The following PLEKHG4 variants were observed in gnomAD, a reference collection of about 807,000 sequenced individuals.
The protein encoded by PLEKHG4 is puratrophin-1.
PLEKHG4 carries 85 observed loss-of-function variants against 136.9 expected under a neutral mutation model. The ratio of observed to expected loss-of-function variants is 0.62; its 90% CI spans 0.52 to 0.74. The LOEUF is 0.74. Among genes scored for constraint, PLEKHG4 ranks in the 30% least tolerant of loss-of-function variants. PLEKHG4 has a pLI of 0.00. For missense variants in PLEKHG4, 1,317 were observed against 1,527.8 expected (o/e 0.86, Z 2.30); for synonymous variants, 577 against 646.9 (o/e 0.89, Z 1.64).
In PLEKHG4 at chr16:67,280,223, A is replaced by G. The variant is rs1438035554; in HGVS notation, c.179A>G (p.Glu60Gly). The part of the protein sequence containing the change: ...RPPAGATQDE[E>G]LQGSPLSRKF... ...CCAGCCGGGGCCACCCAGGATGAGG[A>G]GCTACAGGGCAGCCCCTTGTCCAGG... is the stretch of plus-strand genomic sequence containing the variant. Residue 60 changes from glutamate to glycine, a missense_variant, in exon 2 of 22, where the codon GAG becomes GGG. Glu to Gly is a moderately conservative substitution (Grantham distance 98). Transcript: ENST00000379344. This position sits in a 1 kb window ranked among gnomAD's most constrained non-coding sequence, Gnocchi z 4.4. The G allele has an allele frequency of 1.9e-6, 3 of 1,613,516 alleles. No individual in the cohort carries two copies. The highest frequency in any genetic ancestry group is 4.5e-5 in the East Asian group (2 of 44,886).
At position 67,284,225 on chromosome 16, in the gene PLEKHG4, G is replaced by C. The variant is rs766084418; in HGVS notation, c.1510-50G>C. The C allele has an allele frequency of 1.3e-6, 2 of 1,549,620 alleles. No homozygotes were observed. The highest frequency in any genetic ancestry group is 1.8e-6 in the Non-Finnish European group (2 of 1,127,234). ...TCAGCAGGAAGTATCTGAGTCTGGG[G>C]GCTAGACCGCCAGGCCTGGGCTGGC... On this transcript the variant is annotated intron_variant, in intron 11 of 21. Transcript: ENST00000379344. The surrounding 1 kb of genome is among the most constrained non-coding windows in gnomAD (Gnocchi z 4.4).
At chr16:67,282,477 G>A (rs116918762) in intron 9 of PLEKHG4, 26 bp from the exon 10 acceptor site, 19 of 1,613,752 alleles carry the variant, frequency 1.2e-5, no homozygotes, top group East Asian at 2.2e-5. Flanking sequence ...AAGGCAGGGG[G>A]TCTAAGATGG....
At position 67,282,116 on chromosome 16, in the gene PLEKHG4, C is replaced by A. The variant is rs1420855213; in HGVS notation, c.1104+9C>A. On this transcript the variant is annotated intron_variant, in intron 8 of 21. Transcript: ENST00000379344. ...AGCCCATGGAGCCTGGGGTGAGTGT[C>A]CCCTCCCAGTCCCTCCATGAATGCT... is the stretch of plus-strand genomic sequence containing the variant. The A allele has an allele frequency of 6.2e-7, 1 of 1,612,964 alleles. No homozygotes were observed. The highest frequency in any genetic ancestry group is 2.2e-5 in the East Asian group (1 of 44,846).
At position 67,288,156 on chromosome 16, in the gene PLEKHG4, C is replaced by G. The variant is rs371775382; in HGVS notation, c.3221-11C>G. The G allele has an allele frequency of 4.3e-6, 7 of 1,611,960 alleles. No homozygotes were observed. The highest frequency in any genetic ancestry group is 2.7e-5 in the African/African-American group (2 of 74,848). On this transcript the variant is annotated splice_polypyrimidine_tract_variant and intron_variant, in intron 19 of 21. Transcript: ENST00000379344. ...CTGGCCTGTCCCAACCTGACCCTCTCTCTTATGCAGAAGTTCGCTCTCGGG... is the reference window on the plus strand; with the variant it reads ...CTGGCCTGTCCCAACCTGACCCTCTGTCTTATGCAGAAGTTCGCTCTCGGG...
In PLEKHG4 at chr16:67,286,553, T is replaced by C. The variant is rs1203904261; in HGVS notation, c.2641T>C (p.Cys881Arg). Reference sequence around the variant, plus strand: ...GCTGCTGCAGGAGCTGGCACGGGCCTGCGGGGGCCCCACGCAGGAGCTCAG... The same window carrying C: ...GCTGCTGCAGGAGCTGGCACGGGCCCGCGGGGGCCCCACGCAGGAGCTCAG... ...ALLLQELARACGGPTQELSAL... is the reference protein window; with the variant it reads ...ALLLQELARARGGPTQELSAL... The change falls in exon 16 of 22, where the codon TGC becomes CGC. Residue 881 changes from cysteine (C) to arginine (R), a missense_variant. Coordinates refer to ENST00000379344, the MANE Select transcript of PLEKHG4 (RefSeq NM_001129729.3). 5.7e-6 allele frequency: 9 copies of C among 1,568,110 alleles called. No homozygotes were observed. The Admixed American group carries it at 9.5e-5, about 17-fold the overall frequency.
chr16:67,282,649 C>G lies in PLEKHG4; in HGVS notation c.1392+8C>G. On this transcript the variant is annotated splice_region_variant and intron_variant, in intron 10 of 21. Transcript: ENST00000379344. ...GAAAGCGGACTGCACCAGGTCGGAA[C>G]TACTTGCCCAGAGTGGGCCCTGCCC... 6.2e-7 allele frequency: 1 copy of G among 1,613,848 alleles called. No homozygotes were observed. The highest frequency in any genetic ancestry group is 8.5e-7 in the Non-Finnish European group (1 of 1,180,044).
intron 14 of PLEKHG4, among the ~76,000 whole-genome samples, chr16:67,286,007 C>T (rs113276825): frequency 3.0e-4 from 45 of 152,078 alleles, no homozygotes; most frequent in African/African-American, 3.9e-4. Flanking sequence ...CTCTTAGAGC[C>T]GTGGGAGGAG....
At chr16:67,282,170 C>G (rs1338555009) in intron 8 of PLEKHG4, 31 bp from the exon 9 acceptor site, 1 of 1,613,548 alleles carries the variant, frequency 6.2e-7, no homozygotes, top group Non-Finnish European at 8.5e-7. Context: ...CTCCCATGGC[C>G]ACCTCCACAG....
chr16:67,283,901 A>G (rs997823113), intron 11 of PLEKHG4, among the ~76,000 whole-genome samples: 1 of 152,068 alleles, frequency 6.6e-6, no homozygotes, highest in African/African-American at 2.4e-5. Flanking sequence ...GAAGGGGAGC[A>G]GGACGAGCCA....
At chr16:67,285,919 C>T (rs1183934873) in intron 14 of PLEKHG4, among the ~76,000 whole-genome samples, 1 of 152,014 alleles carries the variant, frequency 6.6e-6, no homozygotes, top group Non-Finnish European at 1.5e-5. Flanking sequence ...AGAGCAAGTA[C>T]AAGGTCGTGT....
At chr16:67,285,652 C>T in intron 14 of PLEKHG4, 116 bp downstream of exon 14, 1 of 1,218,746 alleles carries the variant, frequency 8.2e-7, no homozygotes, top group Non-Finnish European at 1.2e-6. Flanking sequence ...GCAAGACTGG[C>T]AGGCTCCTGC....
chr16:67,288,421 A>C (rs1239192165), intron 20 of PLEKHG4, 21 bp downstream of exon 20: 3 of 1,612,782 alleles, frequency 1.9e-6, no homozygotes, highest in Non-Finnish European at 2.5e-6. Flanking sequence ...GCCTAGCCAG[A>C]GGCAGGAGGG....
intron 14 of PLEKHG4, among the ~76,000 whole-genome samples, 186 bp from the exon 15 acceptor site, chr16:67,286,088 T>A (rs1015774529): frequency 6.6e-6 from 1 of 152,070 alleles, no homozygotes; most frequent in Admixed American, 6.5e-5. Flanking sequence ...GCACACCCCC[T>A]TTGCCCAGTA....
chr16:67,281,230 T>C (rs1441399571), intron 5 of PLEKHG4, 46 bp downstream of exon 5: 12 of 1,459,038 alleles, frequency 8.2e-6, no homozygotes, highest in Admixed American at 6.7e-5. Flanking sequence ...CTTTTCTTTT[T>C]TTTTTTTTTT....
chr16:67,287,407 C>G (rs1486853645), intron 18 of PLEKHG4, among the ~76,000 whole-genome samples: 1 of 152,194 alleles, frequency 6.6e-6, no homozygotes, highest in African/African-American at 2.4e-5. Flanking sequence ...CTCTCTCTCT[C>G]TTTATTTTTG....
rs751953759 is a variant in PLEKHG4 at position 67,284,353 on chromosome 16, C to T, written c.1588C>T (p.Arg530Cys). ...GGCTGAACTGGACCCCCCTGGGGCA[C>T]GCTTTCTGGCCCTGCGAGCCCAGCT... is the stretch of plus-strand genomic sequence containing the variant. ...EAAELDPPGARFLALRAQLTE... is the reference protein window; with the variant it reads ...EAAELDPPGACFLALRAQLTE... Residue 530 changes from arginine to cysteine, a missense_variant, in exon 12 of 22, where the codon CGC (arginine) becomes TGC (cysteine). Arg to Cys is a radical substitution (Grantham distance 180). Coordinates refer to ENST00000379344, the MANE Select transcript of PLEKHG4 (RefSeq NM_001129729.3). This position sits in a 1 kb window ranked among gnomAD's most constrained non-coding sequence, Gnocchi z 4.4. 4.3e-6 allele frequency: 7 copies of T among 1,613,852 alleles called. No individual in the cohort carries two copies. Among genetic ancestry groups the T allele is most frequent in the Admixed American group, 3.3e-5 (2 of 59,998 alleles).
chr16:67,280,827 G>T lies in PLEKHG4; in HGVS notation c.595+21G>T, dbSNP rs1451410394. The T allele has an allele frequency of 1.2e-6, 2 of 1,613,898 alleles. No homozygotes were observed. Among genetic ancestry groups the T allele is most frequent in the East Asian group, 4.5e-5 (2 of 44,888 alleles). On this transcript the variant is annotated intron_variant, in intron 3 of 21. Coordinates refer to ENST00000379344, the MANE Select transcript of PLEKHG4 (RefSeq NM_001129729.3). The surrounding 1 kb of genome is among the most constrained non-coding windows in gnomAD (Gnocchi z 4.4). ...GCCAGGTAGCCAGGCGGGCCTAGAG[G>T]CGGTGGAGGTGGAGTGGCCCAATAC...
In PLEKHG4 at chr16:67,285,275, C is replaced by T; in HGVS notation, c.2196-15C>T. The T allele has an allele frequency of 6.2e-7, 1 of 1,613,870 alleles. No individual in the cohort carries two copies. The highest frequency in any genetic ancestry group is 1.3e-5 in the African/African-American group (1 of 75,064). ...AGGAGAGATGTCTTGGGTCCTGACT[C>T]CCCATACCTGGTAGGCTACAGCTGG... is the stretch of plus-strand genomic sequence containing the variant. On this transcript the variant is annotated splice_polypyrimidine_tract_variant and intron_variant, in intron 13 of 21. Transcript: ENST00000379344.
rs768980827 is a variant in PLEKHG4, at chr16:67,280,512, T to C, written c.468T>C (p.Pro156=). The change falls in exon 2 of 22, where the codon CCT becomes CCC. Residue 156 remains proline, a synonymous_variant. Transcript: ENST00000379344. This position sits in a 1 kb window ranked among gnomAD's most constrained non-coding sequence, Gnocchi z 4.4. ...LDSDPVGLGD[P]LSEISKLLEA... ...GCGACCCTGTGGGCCTTGGAGACCC[T>C]TTATCAGAAATATCAAAGCTGCTGG... 1.2e-6 allele frequency: 2 copies of C among 1,611,686 alleles called. No homozygotes were observed. Among genetic ancestry groups the C allele is most frequent in the South Asian group, 2.2e-5 (2 of 90,836 alleles).
Sources: gnomAD v4.1 joint callset for allele counts (sites outside exome capture counted in the v4.1 genomes callset) on GRCh38, gnomAD v4.1.1 for gene constraint, Gnocchi (gnomAD v3.1) non-coding constraint, MANE v1.5 for transcripts, NCBI Gene and HGNC (gene_info 2026-07-23, HGNC 2026-07-21) for gene names.